The following REC114 variants were observed in gnomAD, a reference collection of about 807,000 sequenced individuals.
REC114 encodes the protein meiotic recombination protein REC114.
In REC114, 27 loss-of-function variants were observed where a neutral mutation model predicts 31.3. The observed-to-expected ratio is 0.86, with a 90% confidence interval of 0.64 to 1.19. The LOEUF (loss-of-function observed/expected upper bound fraction) is 1.19. REC114 is among the 50% of genes most tolerant of loss of function. REC114 has a pLI of 0.00. For missense variants in REC114, 344 were observed against 326.9 expected, an observed-to-expected ratio of 1.05 and a Z score of -0.40; for synonymous variants, 134 against 127.7, an observed-to-expected ratio of 1.05 and a Z score of -0.33.
chr15:73,445,181 G>T (rs747835890), intron 1 of REC114, among the ~76,000 whole-genome samples: 1 of 152,224 alleles, frequency 6.6e-6, no homozygotes. Flanking sequence ...AGAGTCACCA[G>T]TGGGATTAGC....
intron 1 of REC114, among the ~76,000 whole-genome samples, chr15:73,455,757 A>G (rs1029823201): frequency 6.6e-6 from 1 of 152,206 alleles, no homozygotes; most frequent in Non-Finnish European, 1.5e-5. Flanking sequence ...ACGCATGCAC[A>G]CTGAAAACCC....
intron 3 of REC114, among the ~76,000 whole-genome samples, 191 bp downstream of exon 3, chr15:73,540,759 G>A (rs1894226840): frequency 6.6e-6 from 1 of 152,156 alleles, no homozygotes; most frequent in Non-Finnish European, 1.5e-5. Flanking sequence ...GGAGGACATT[G>A]CTAAGGAGTC....
chr15:73,484,377 A>G (rs568243100), intron 2 of REC114, among the ~76,000 whole-genome samples: 27 of 152,060 alleles, frequency 1.8e-4, no homozygotes, highest in African/African-American at 2.7e-4. Flanking sequence ...TGCCTGCTCA[A>G]TCCTCCTCGG....
chr15:73,524,024 A>T (rs1893973956), intron 2 of REC114, among the ~76,000 whole-genome samples: 1 of 152,224 alleles, frequency 6.6e-6, no homozygotes, highest in South Asian at 2.1e-4. Flanking sequence ...CAAAAAGTTC[A>T]TAGAAAGTAT....
intron 1 of REC114, among the ~76,000 whole-genome samples, chr15:73,469,228 G>C (rs936506613): frequency 6.6e-6 from 1 of 152,052 alleles, no homozygotes; most frequent in Non-Finnish European, 1.5e-5. Flanking sequence ...TTGTGAACTT[G>C]TCTGTTTCCC....
rs750957722 is a variant in REC114 at position 73,550,274 on chromosome 15, G to A, written c.334-664G>A. ...ATACTTGTAATCAAATAAGTTTGAT[G>A]TAGTTGACAGATTTTTAAAATTTTT... On this transcript the variant is annotated intron_variant, in intron 3 of 5. Transcript: ENST00000331090. 5.3e-5 allele frequency among the ~76,000 whole-genome samples: 8 copies of A among 152,016 alleles called. 1 individual carries two copies. The highest frequency in any genetic ancestry group is 7.3e-5 in the Non-Finnish European group (5 of 68,032).
At chr15:73,516,055 C>T (rs923596948) in intron 2 of REC114, among the ~76,000 whole-genome samples, 1 of 151,418 alleles carries the variant, frequency 6.6e-6, no homozygotes, top group Non-Finnish European at 1.5e-5. Context: ...GGCACAATCT[C>T]GGCTCACTGC....
intron 2 of REC114, among the ~76,000 whole-genome samples, chr15:73,477,116 C>T (rs1479599044): frequency 6.6e-6 from 1 of 152,146 alleles, no homozygotes; most frequent in Non-Finnish European, 1.5e-5. Flanking sequence ...GTGACTAATA[C>T]TGTTGAGCAT....
At chr15:73,549,466 A>G (rs1220194258) in intron 3 of REC114, among the ~76,000 whole-genome samples, 1 of 152,200 alleles carries the variant, frequency 6.6e-6, no homozygotes, top group Non-Finnish European at 1.5e-5. Context: ...AAATTTTTAA[A>G]TACACGAGTA....
chr15:73,557,249 T>C (rs1894482638), intron 5 of REC114, among the ~76,000 whole-genome samples: 1 of 151,620 alleles, frequency 6.6e-6, no homozygotes. Flanking sequence ...TTTGTATTTT[T>C]AGTAGAGTCA....
chr15:73,538,619 G>A (rs1372371127), intron 2 of REC114, among the ~76,000 whole-genome samples: 1 of 151,870 alleles, frequency 6.6e-6, no homozygotes, highest in East Asian at 1.9e-4. Context: ...ACCGCACCCA[G>A]CTAATTTTTT....
At chr15:73,551,174 A>C (rs368128022) in intron 4 of REC114, 24 bp downstream of exon 4, 4 of 1,570,010 alleles carry the variant, frequency 2.5e-6, no homozygotes, top group Admixed American at 1.9e-5. Flanking sequence ...TGTGTTGGTT[A>C]TACAGGAAAC....
chr15:73,500,049 C>T (rs1893583063), intron 2 of REC114, among the ~76,000 whole-genome samples: 1 of 151,904 alleles, frequency 6.6e-6, no homozygotes, highest in Non-Finnish European at 1.5e-5. Flanking sequence ...TTTTCCAACT[C>T]AGTCTTCACT....
In REC114 at chr15:73,450,666, A is replaced by G. The variant is rs1892832562; in HGVS notation, c.159+7322A>G. On this transcript the variant is annotated intron_variant, in intron 1 of 5. Transcript: ENST00000331090. The stretch of plus-strand genomic sequence containing the variant: ...GACATCTACAGAACTCTCCACCCCA[A>G]ATCGAGAGAATATACATTCTTCTCA... 3.9e-5 allele frequency among the ~76,000 whole-genome samples: 6 copies of G among 152,228 alleles called. No individual in the cohort carries two copies. In the South Asian group the frequency reaches 1.0e-3, roughly 26 times the overall value.
intron 1 of REC114, among the ~76,000 whole-genome samples, chr15:73,471,898 C>G (rs1185817403): frequency 6.6e-6 from 1 of 151,992 alleles, no homozygotes; most frequent in Non-Finnish European, 1.5e-5. Flanking sequence ...TTTATGATTC[C>G]ACTCATATAA....
chr15:73,497,515 G>C (rs532142481), intron 2 of REC114, among the ~76,000 whole-genome samples: 1 of 152,226 alleles, frequency 6.6e-6, no homozygotes, highest in African/African-American at 2.4e-5. Context: ...CTATCAGTTA[G>C]AATATCAGGG....
intron 2 of REC114, among the ~76,000 whole-genome samples, chr15:73,495,110 TCTC>T (rs1475092298): frequency 6.6e-6 from 1 of 152,198 alleles, no homozygotes; most frequent in Admixed American, 6.5e-5. Flanking sequence ...TTTTATTTCT[TCTC>T]CTCATCTTTT....
chr15:73,501,231 G>T (rs1893600466), intron 2 of REC114, among the ~76,000 whole-genome samples: 1 of 152,152 alleles, frequency 6.6e-6, no homozygotes, highest in Admixed American at 6.5e-5. Context: ...AATCTCATTG[G>T]ATAAATGTTA....
intron 2 of REC114, among the ~76,000 whole-genome samples, chr15:73,526,886 C>T (rs2141322721): frequency 6.6e-6 from 1 of 152,190 alleles, no homozygotes; most frequent in Admixed American, 6.5e-5. Context: ...TACTAATAAT[C>T]AGTTTGACCC....
Sources: allele counts gnomAD v4.1 joint callset (sites outside exome capture counted in the v4.1 genomes callset), GRCh38; gene constraint gnomAD v4.1.1; transcripts MANE v1.5; gene names NCBI Gene and HGNC (gene_info 2026-07-23, HGNC 2026-07-21).